BSN: variants seen among roughly 807,000 people sequenced by gnomAD.
BSN encodes the protein bassoon presynaptic cytomatrix protein.
Under a neutral mutation model 264.8 loss-of-function variants are expected in BSN, and 57 were observed. The observed-to-expected ratio is 0.22, with a 90% CI of 0.17 to 0.27. The LOEUF is 0.27. Ranked by LOEUF, BSN falls within the 10% of genes least tolerant of loss-of-function variation. The probability of loss-of-function intolerance (pLI) is 1.00; values close to 1 mark genes in which losing one functional copy is unlikely to be tolerated. For synonymous variants in BSN, 2,059 were observed against 2,137.3 expected, an observed-to-expected ratio of 0.96 and a Z score of 1.01; for missense variants, 4,615 against 5,232.5, an observed-to-expected ratio of 0.88 and a Z score of 3.64.
chr3:49,641,108 T>C (rs1251578004), intron 2 of BSN, among the ~76,000 whole-genome samples: 2 of 152,194 alleles, frequency 1.3e-5, no homozygotes, highest in African/African-American at 2.4e-5. Context: ...TTAGAGTGTT[T>C]GATCCTATTG....
rs1048101151 is a variant in BSN at position 49,585,932 on chromosome 3, C to A, written c.224+31106C>A. The stretch of plus-strand genomic sequence containing the variant: ...GAAATGTCTATTCAGATCTTTTGTT[C>A]ATTTTTGATCGGATTATTAGATTTT... On this transcript the variant is annotated intron_variant, in intron 1 of 11. Transcript: ENST00000296452. This position sits in a 1 kb window ranked among gnomAD's most constrained non-coding sequence, Gnocchi z 4.7. Among the ~76,000 whole-genome samples the A allele has an allele frequency of 6.6e-6, 1 of 152,088 alleles. No individual in the cohort carries two copies. The highest frequency in any genetic ancestry group is 1.9e-4 in the East Asian group (1 of 5,196).
intron 1 of BSN, among the ~76,000 whole-genome samples, chr3:49,562,425 C>G (rs1343526412): frequency 1.3e-5 from 2 of 152,210 alleles, no homozygotes; most frequent in Non-Finnish European, 2.9e-5. Flanking sequence ...TCTTTAGCCT[C>G]AACTTCTTCT....
At position 49,658,063 on chromosome 3, in the gene BSN, A is replaced by G. The variant is rs1398754763; in HGVS notation, c.8507A>G (p.Gln2836Arg). ...KHFTADSALR[Q>R]QTLPRPMKTL... ...TTCACGGCTGACAGCGCTCTCCGCCAGCAGACGCTGCCTCGCCCCATGAAG... is the reference window on the plus strand; with the variant it reads ...TTCACGGCTGACAGCGCTCTCCGCCGGCAGACGCTGCCTCGCCCCATGAAG... Residue 2836 changes from glutamine (Q) to arginine (R), a missense_variant, in exon 5 of 12, where the codon CAG becomes CGG. Coordinates refer to ENST00000296452, the MANE Select transcript of BSN (RefSeq NM_003458.4). The G allele has an allele frequency of 6.2e-6, 10 of 1,613,418 alleles. No individual in the cohort carries two copies. The East Asian group carries it at 6.7e-5, about 11-fold the overall frequency.
chr3:49,668,430 C>G lies in BSN; in HGVS notation c.*945C>G, dbSNP rs1017639329. 3 of 152,734 alleles carry G rather than the reference C, an allele frequency of 2.0e-5. No individual in the cohort carries two copies. Among genetic ancestry groups the G allele is most frequent in the Non-Finnish European group, 4.4e-5 (3 of 68,080 alleles). 9.5% of individuals were successfully genotyped at this position (152,734 alleles called of 1,614,324 possible). On this transcript the variant is annotated 3_prime_UTR_variant, in exon 12 of 12. Transcript: ENST00000296452. ...CTTTTGTTTCTCTCTCCCCCTTTCTCTCTTCTCTTGGCTCACTCCCTTGCC... is the reference window on the plus strand; with the variant it reads ...CTTTTGTTTCTCTCTCCCCCTTTCTGTCTTCTCTTGGCTCACTCCCTTGCC...
intron 1 of BSN, among the ~76,000 whole-genome samples, chr3:49,556,282 G>A (rs1157364339): frequency 6.6e-6 from 1 of 152,206 alleles, no homozygotes; most frequent in African/African-American, 2.4e-5. Flanking sequence ...CAAACAGGCT[G>A]CTCTGCTTGT....
At chr3:49,577,791 C>T (rs1449878592) in intron 1 of BSN, among the ~76,000 whole-genome samples, 1 of 152,158 alleles carries the variant, frequency 6.6e-6, no homozygotes, top group Non-Finnish European at 1.5e-5. Flanking sequence ...CCACCCGCCT[C>T]GGCCTCCCAA....
Position 49,654,539 on chromosome 3 carries a change from T to C in BSN, c.4983T>C (p.Pro1661=). The change falls in exon 5 of 12, where the codon CCT becomes CCC. Residue 1661 remains proline (P), a synonymous_variant. Transcript: ENST00000296452. The surrounding 1 kb of genome is among the most constrained non-coding windows in gnomAD (Gnocchi z 4.1). ...TSRVEPGPRT[P]GTAVVDLRTA... is the part of the protein sequence containing the mutation. ...GGGTTGAGCCAGGCCCCAGGACCCC[T>C]GGCACTGCAGTGGTAGACCTCCGTA... 1 of 1,610,632 alleles carries C rather than the reference T, an allele frequency of 6.2e-7. No individual in the cohort carries two copies. Among genetic ancestry groups the C allele is most frequent in the South Asian group, 1.1e-5 (1 of 90,478 alleles).
intron 2 of BSN, among the ~76,000 whole-genome samples, chr3:49,635,414 G>T (rs1002206246): frequency 6.6e-6 from 1 of 152,106 alleles, no homozygotes; most frequent in African/African-American, 2.4e-5. Context: ...ACTGCCAAGA[G>T]CCCATCACAG....
intron 1 of BSN, among the ~76,000 whole-genome samples, chr3:49,562,751 G>C (rs528710979): frequency 6.6e-6 from 1 of 152,282 alleles, no homozygotes; most frequent in Non-Finnish European, 1.5e-5. Context: ...AAGATGATGG[G>C]AAAGGCTTTG....
At chr3:49,650,460 T>G (rs1187641768) in intron 3 of BSN, 152 bp from the exon 4 acceptor site, 4 of 711,878 alleles carry the variant, frequency 5.6e-6, no homozygotes, top group Non-Finnish European at 9.2e-6. Context: ...TTGGGGGCAG[T>G]AAATTGGTCA....
intron 8 of BSN, 28 bp from the exon 9 acceptor site, chr3:49,664,395 C>G: frequency 6.2e-7 from 1 of 1,613,670 alleles, no homozygotes; most frequent in South Asian, 1.1e-5. Context: ...CCGTGCATAG[C>G]TCATTATGGC....
chr3:49,649,309 G>A (rs1383237008), intron 3 of BSN, among the ~76,000 whole-genome samples: 1 of 152,206 alleles, frequency 6.6e-6, no homozygotes, highest in Non-Finnish European at 1.5e-5. Context: ...CCACCTCGGT[G>A]GCAGAGTTGC....
At chr3:49,643,360 G>A (rs1169110117) in intron 3 of BSN, among the ~76,000 whole-genome samples, 1 of 152,208 alleles carries the variant, frequency 6.6e-6, no homozygotes, top group Admixed American at 6.5e-5. Context: ...CTCAGAGTTG[G>A]GGGTAATGGT....
At chr3:49,591,973 ATAT>A (rs1475741195) in intron 1 of BSN, among the ~76,000 whole-genome samples, 1 of 152,230 alleles carries the variant, frequency 6.6e-6, no homozygotes, top group Non-Finnish European at 1.5e-5. Context: ...AGACAGAGTA[ATAT>A]TATAAAATGA....
chr3:49,664,011 A>G, intron 8 of BSN, 125 bp downstream of exon 8: 1 of 939,706 alleles, frequency 1.1e-6, no homozygotes, highest in Non-Finnish European at 1.6e-6. Context: ...AAGGTGCCCC[A>G]GGGGCTGTAG....
In BSN at chr3:49,592,058, GAGAC is replaced by G. The variant is rs1432183696; in HGVS notation, c.225-32914_225-32911del. Among the ~76,000 whole-genome samples the G allele has an allele frequency of 3.9e-5, 6 of 152,114 alleles. No individual in the cohort carries two copies. The East Asian group carries it at 7.7e-4, about 20-fold the overall frequency. ...ACCAATGGGATAGGATAATTTGAGA[GAGAC>G]AGTTGATTTTTTTAAAATTGTGATT... On this transcript the variant is annotated intron_variant, in intron 1 of 11. Transcript: ENST00000296452.
rs1440107027 is a variant in BSN at position 49,554,671 on chromosome 3, C to G, written c.69C>G (p.Pro23=). The G allele has an allele frequency of 2.0e-6, 2 of 1,001,612 alleles. No homozygotes were observed. The highest frequency in any genetic ancestry group is 2.4e-6 in the Non-Finnish European group (2 of 841,064). 62.0% of individuals were successfully genotyped at this position (1,001,612 alleles called of 1,614,324 possible). A position where few individuals can be genotyped will look rare whatever the true frequency, so the allele number is the denominator to read the frequency against. The change falls in exon 1 of 12, where the codon CCC becomes CCG. Residue 23 remains proline, a synonymous_variant. Coordinates refer to ENST00000296452, the MANE Select transcript of BSN (RefSeq NM_003458.4). ...DGPLPPGGAG[P]GPGPGPGPGA... is the part of the protein sequence containing the mutation. ...CGCTGCCGCCCGGCGGCGCCGGCCCCGGCCCGGGCCCCGGCCCCGGCCCCG... is the reference window on the plus strand; with the variant it reads ...CGCTGCCGCCCGGCGGCGCCGGCCCGGGCCCGGGCCCCGGCCCCGGCCCCG...
intron 1 of BSN, among the ~76,000 whole-genome samples, chr3:49,561,144 C>T (rs2051708401): frequency 6.6e-6 from 1 of 152,224 alleles, no homozygotes; most frequent in African/African-American, 2.4e-5. Context: ...CTAGATCACC[C>T]CAGGATCAGA....
chr3:49,579,548 G>A (rs1209709653), intron 1 of BSN, among the ~76,000 whole-genome samples: 3 of 151,594 alleles, frequency 2.0e-5, no homozygotes, highest in Non-Finnish European at 4.4e-5. Flanking sequence ...GATTACAGGC[G>A]CCCGTCACCA....
Sources: allele counts gnomAD v4.1 joint callset (sites outside exome capture counted in the v4.1 genomes callset), GRCh38; gene constraint gnomAD v4.1.1; non-coding constraint Gnocchi (gnomAD v3.1); transcripts MANE v1.5; gene names NCBI Gene and HGNC (gene_info 2026-07-23, HGNC 2026-07-21).